The following MYO1D variants were observed in gnomAD, a reference collection of about 807,000 sequenced individuals.
MYO1D encodes the protein unconventional myosin-Id.
Under a neutral mutation model 122.0 loss-of-function variants are expected in MYO1D, and 83 were observed. The observed-to-expected ratio is 0.68, with a 90% CI of 0.57 to 0.82. The LOEUF is 0.82. Among genes scored for constraint, MYO1D ranks in the 40% least tolerant of loss-of-function variants. The pLI, the probability that MYO1D is intolerant of heterozygous loss-of-function variation, is 0.00. For synonymous variants in MYO1D, 464 were observed against 446.9 expected (o/e 1.04, Z -0.48); for missense variants, 1,157 against 1,269.5 (o/e 0.91, Z 1.35).
At chr17:32,547,949 TAA>T (rs10716642) in intron 21 of MYO1D, among the ~76,000 whole-genome samples, 108 of 145,532 alleles carry the variant, frequency 7.4e-4, no homozygotes, top group African/African-American at 6.5e-4. Context: ...GACCGTGTCT[TAA>T]AAAAAAAAAA....
intron 1 of MYO1D, among the ~76,000 whole-genome samples, chr17:32,814,295 G>T (rs2151052594): frequency 6.6e-6 from 1 of 152,316 alleles, no homozygotes; most frequent in East Asian, 1.9e-4. Context: ...AGTGAGCTGA[G>T]ATCCCACAAC....
rs376368129 is a variant in MYO1D, at chr17:32,654,473, T to G, written c.2490+4A>C. On this transcript the variant is annotated splice_donor_region_variant and intron_variant, in intron 18 of 21. Transcript: ENST00000318217. ...TAGATTTCACTTTGTTCCCTTGGACTTACTGAAGCAAGATAGTTGCCCTCC... is the reference window on the plus strand; with the variant it reads ...TAGATTTCACTTTGTTCCCTTGGACGTACTGAAGCAAGATAGTTGCCCTCC... The G allele has an allele frequency of 1.1e-5, 17 of 1,608,552 alleles. No individual in the cohort carries two copies. Among genetic ancestry groups the G allele is most frequent in the Non-Finnish European group, 2.5e-6 (3 of 1,177,736 alleles).
At chr17:32,579,546 A>G (rs549794634) in intron 21 of MYO1D, among the ~76,000 whole-genome samples, 33 of 152,324 alleles carry the variant, frequency 2.2e-4, no homozygotes, top group African/African-American at 7.5e-4. Context: ...TATTTAAGGT[A>G]TACAATTTGA....
chr17:32,793,611 C>T lies in MYO1D; in HGVS notation c.96-12827G>A, dbSNP rs541945817. Among the ~76,000 whole-genome samples, 4 of 152,278 alleles carry T rather than the reference C, an allele frequency of 2.6e-5. No individual in the cohort carries two copies. In the East Asian group the frequency reaches 7.7e-4, roughly 29 times the overall value. On this transcript the variant is annotated intron_variant, in intron 1 of 21. Coordinates refer to ENST00000318217, the MANE Select transcript of MYO1D (RefSeq NM_015194.3). ...TTGGAAAAGGATGCTTTATTTTGAT[C>T]TTTTGTTAACACACTGAAGCCTAGA...
intron 21 of MYO1D, among the ~76,000 whole-genome samples, chr17:32,553,127 C>G (rs980167008): frequency 6.6e-6 from 1 of 150,448 alleles, no homozygotes; most frequent in Non-Finnish European, 1.5e-5. Flanking sequence ...AAAAAACCAG[C>G]AGCATGTCAT....
chr17:32,638,938 C>T lies in MYO1D; in HGVS notation c.2596-103G>A, dbSNP rs1382213741. The T allele has an allele frequency of 2.2e-5, 16 of 742,184 alleles. No homozygotes were observed. In the East Asian group the frequency reaches 4.1e-4, roughly 19 times the overall value. The allele number at this position is 742,184 out of a possible 1,614,324, so 46.0% of individuals were successfully genotyped here. ...TTTAATAGATGTGAACCATGTATGG[C>T]CACTCTACTGGATGCAATAAAGATT... On this transcript the variant is annotated intron_variant, in intron 19 of 21. Coordinates refer to ENST00000318217, the MANE Select transcript of MYO1D (RefSeq NM_015194.3).
intron 1 of MYO1D, among the ~76,000 whole-genome samples, chr17:32,858,624 G>A (rs1231025380): frequency 6.6e-6 from 1 of 152,166 alleles, no homozygotes; most frequent in Non-Finnish European, 1.5e-5. Flanking sequence ...CATGGTACAT[G>A]ATTCTGATTT....
At chr17:32,784,027 A>G (rs778930030) in intron 1 of MYO1D, among the ~76,000 whole-genome samples, 3 of 152,230 alleles carry the variant, frequency 2.0e-5, no homozygotes, top group Non-Finnish European at 4.4e-5. Flanking sequence ...ATAAATAACA[A>G]CAATATAGTA....
intron 14 of MYO1D, among the ~76,000 whole-genome samples, chr17:32,726,883 C>A (rs1415386413): frequency 1.3e-5 from 2 of 151,838 alleles, no homozygotes; most frequent in African/African-American, 4.8e-5. Context: ...ACCAAAATAG[C>A]ATACAAGTTA....
At chr17:32,800,874 T>C (rs767341209) in intron 1 of MYO1D, among the ~76,000 whole-genome samples, 2 of 152,014 alleles carry the variant, frequency 1.3e-5, no homozygotes, top group African/African-American at 2.4e-5. Context: ...CACCAGCTAA[T>C]CTAAAAGAGA....
intron 1 of MYO1D, among the ~76,000 whole-genome samples, chr17:32,818,137 A>G (rs2090629477): frequency 6.9e-6 from 1 of 144,424 alleles, no homozygotes; most frequent in Non-Finnish European, 1.5e-5. Flanking sequence ...AAAAAAAAAA[A>G]AAAAAAAAGA....
At chr17:32,523,494 T>G (rs1004366012) in intron 21 of MYO1D, 1 of 152,020 alleles carries the variant, frequency 6.6e-6, no homozygotes, top group Non-Finnish European at 1.5e-5. Context: ...CGAAAGAGCA[T>G]GATGCAAATG....
intron 10 of MYO1D, among the ~76,000 whole-genome samples, chr17:32,759,630 T>C (rs2089980502): frequency 6.6e-6 from 1 of 152,126 alleles, no homozygotes; most frequent in African/African-American, 2.4e-5. Flanking sequence ...GAAGGTCTTA[T>C]CACAGGAAAT....
At chr17:32,614,485 T>G (rs927434862) in intron 20 of MYO1D, among the ~76,000 whole-genome samples, 2 of 152,206 alleles carry the variant, frequency 1.3e-5, no homozygotes, top group Non-Finnish European at 2.9e-5. Context: ...GAGAACATTC[T>G]GTTCATTCTG....
At chr17:32,573,952 A>C (rs1460957695) in intron 21 of MYO1D, among the ~76,000 whole-genome samples, 1 of 152,184 alleles carries the variant, frequency 6.6e-6, no homozygotes. Flanking sequence ...CCCAGGGTTC[A>C]CGCCATTCTC....
chr17:32,629,550 T>C (rs2087974703), intron 20 of MYO1D, among the ~76,000 whole-genome samples: 1 of 152,064 alleles, frequency 6.6e-6, no homozygotes, highest in South Asian at 2.1e-4. Flanking sequence ...CTGGCCAAGA[T>C]GGTGAAACCT....
intron 16 of MYO1D, among the ~76,000 whole-genome samples, chr17:32,693,104 TTC>T (rs2089124846): frequency 1.3e-5 from 2 of 152,200 alleles, no homozygotes; most frequent in Non-Finnish European, 2.9e-5. Flanking sequence ...GGGATAGCAA[TTC>T]TCATTAAATT....
intron 21 of MYO1D, chr17:32,518,461 T>C (rs1033601508): frequency 7.2e-5 from 11 of 152,280 alleles, no homozygotes; most frequent in African/African-American, 2.6e-4. Context: ...CTTGAAGAAG[T>C]GATATTAAAA....
intron 11 of MYO1D, among the ~76,000 whole-genome samples, chr17:32,755,075 A>C (rs1024369406): frequency 5.2e-5 from 8 of 152,382 alleles, no homozygotes; most frequent in African/African-American, 1.7e-4. Context: ...AGCAGAGTGC[A>C]CAACACATTT....
Sources: allele counts gnomAD v4.1 joint callset (sites outside exome capture counted in the v4.1 genomes callset), GRCh38; gene constraint gnomAD v4.1.1; transcripts MANE v1.5; gene names NCBI Gene and HGNC (gene_info 2026-07-23, HGNC 2026-07-21).